The following SGCZ variants were observed in gnomAD, a reference collection of about 807,000 sequenced individuals.
The protein encoded by SGCZ is sarcoglycan zeta.
SGCZ carries 40 observed loss-of-function variants against 41.3 expected under a neutral mutation model. That is an observed-to-expected ratio of 0.97 (90% CI 0.75 to 1.26). SGCZ has a LOEUF of 1.26. SGCZ is among the 50% of genes most tolerant of loss of function. The probability of loss-of-function intolerance (pLI) is 0.00; values close to 1 mark genes in which losing one functional copy is unlikely to be tolerated. For synonymous variants in SGCZ, 206 were observed against 137.5 expected, an observed-to-expected ratio of 1.50 and a Z score of -3.49; for missense variants, 552 against 369.8, an observed-to-expected ratio of 1.49 and a Z score of -4.04.
chr8:14,800,188 C>T (rs1004508297), intron 1 of SGCZ, among the ~76,000 whole-genome samples: 1 of 151,968 alleles, frequency 6.6e-6, no homozygotes, highest in Non-Finnish European at 1.5e-5. Context: ...TAAATGTTAC[C>T]TGGTCATTTG....
chr8:14,149,755 T>TA (rs1803641365), intron 5 of SGCZ, among the ~76,000 whole-genome samples: 1 of 151,270 alleles, frequency 6.6e-6, no homozygotes, highest in Non-Finnish European at 1.5e-5. Flanking sequence ...ACTGGAGTAA[T>TA]ACATCACCTG....
chr8:14,383,571 T>G (rs368291236), intron 2 of SGCZ, among the ~76,000 whole-genome samples: 1 of 152,186 alleles, frequency 6.6e-6, no homozygotes, highest in African/African-American at 2.4e-5. Flanking sequence ...AAAAAGAACA[T>G]GTGAATTAAA....
At chr8:14,200,710 T>C (rs58074155) in intron 4 of SGCZ, among the ~76,000 whole-genome samples, 2,443 of 152,242 alleles carry the variant, frequency 0.016, 70 homozygotes, top group African/African-American at 0.054. Context: ...GAGTAGAGCA[T>C]AGAATAAAGT....
At chr8:15,095,055 T>G (rs1585556597) in intron 1 of SGCZ, among the ~76,000 whole-genome samples, 1 of 152,184 alleles carries the variant, frequency 6.6e-6, no homozygotes, top group Non-Finnish European at 1.5e-5. Context: ...CAGGAAAAAT[T>G]TTAATGCTTC....
chr8:14,285,749 T>C (rs1178917293), intron 3 of SGCZ, among the ~76,000 whole-genome samples: 1 of 152,070 alleles, frequency 6.6e-6, no homozygotes, highest in Non-Finnish European at 1.5e-5. Context: ...TACTTTGAGA[T>C]ATGGGATTTG....
intron 1 of SGCZ, among the ~76,000 whole-genome samples, chr8:15,103,917 T>C (rs189646440): frequency 1.1e-3 from 175 of 152,292 alleles, no homozygotes; most frequent in Non-Finnish European, 2.0e-3. Context: ...TAATGAAGTG[T>C]TGATTAGTGG....
intron 1 of SGCZ, among the ~76,000 whole-genome samples, chr8:15,137,630 A>T (rs1396819912): frequency 6.6e-6 from 1 of 150,898 alleles, no homozygotes; most frequent in Non-Finnish European, 1.5e-5. Context: ...TCAGTCCATG[A>T]CTTCAGAGGG....
At chr8:15,191,343 C>T (rs138994932) in intron 1 of SGCZ, among the ~76,000 whole-genome samples, 1 of 151,964 alleles carries the variant, frequency 6.6e-6, no homozygotes, top group Non-Finnish European at 1.5e-5. Flanking sequence ...ACAAGCATAC[C>T]TAGACCAGGC....
intron 1 of SGCZ, among the ~76,000 whole-genome samples, chr8:14,740,162 TAG>T (rs1799157504): frequency 6.6e-6 from 1 of 152,062 alleles, no homozygotes; most frequent in African/African-American, 2.4e-5. Flanking sequence ...TCTTAGATTC[TAG>T]AGTCATTGAC....
At chr8:14,366,561 C>G (rs1803714734) in intron 2 of SGCZ, among the ~76,000 whole-genome samples, 1 of 152,044 alleles carries the variant, frequency 6.6e-6, no homozygotes, top group Admixed American at 6.6e-5. Flanking sequence ...ATCTTATATC[C>G]TCACATTTCA....
intron 1 of SGCZ, among the ~76,000 whole-genome samples, chr8:14,926,590 G>C (rs1461909130): frequency 6.6e-6 from 1 of 151,026 alleles, no homozygotes; most frequent in Non-Finnish European, 1.5e-5. Flanking sequence ...ATATTTCTTG[G>C]GCAAACTCAG....
chr8:15,130,291 G>C (rs1239711924), intron 1 of SGCZ, among the ~76,000 whole-genome samples: 1 of 152,146 alleles, frequency 6.6e-6, no homozygotes, highest in East Asian at 1.9e-4. Context: ...TGCCAATATA[G>C]GGGGAAGCCA....
intron 4 of SGCZ, among the ~76,000 whole-genome samples, chr8:14,168,765 A>G (rs747839538): frequency 1.1e-4 from 17 of 152,172 alleles, no homozygotes; most frequent in Non-Finnish European, 1.9e-4. Flanking sequence ...CTCATTGTGC[A>G]ACATTTGCAG....
At chr8:15,116,202 C>G (rs112469276) in intron 1 of SGCZ, among the ~76,000 whole-genome samples, 2 of 152,098 alleles carry the variant, frequency 1.3e-5, no homozygotes, top group African/African-American at 2.4e-5. Context: ...TAAATGTAAG[C>G]TCTGTATTTA....
intron 1 of SGCZ, among the ~76,000 whole-genome samples, chr8:15,155,960 A>G (rs1380697331): frequency 6.6e-6 from 1 of 151,142 alleles, no homozygotes. Flanking sequence ...CGAGAGGCCG[A>G]AGCAGGAGAA....
intron 1 of SGCZ, among the ~76,000 whole-genome samples, chr8:15,157,319 C>T (rs949346980): frequency 6.6e-6 from 1 of 151,952 alleles, no homozygotes; most frequent in Non-Finnish European, 1.5e-5. Flanking sequence ...GAACACTTGA[C>T]CCCAGGAGCC....
intron 2 of SGCZ, among the ~76,000 whole-genome samples, chr8:14,388,566 A>C (rs1460602598): frequency 1.3e-5 from 2 of 152,134 alleles, no homozygotes; most frequent in African/African-American, 2.4e-5. Flanking sequence ...AAAATATCAG[A>C]ATTTTTATGG....
intron 2 of SGCZ, among the ~76,000 whole-genome samples, chr8:14,478,409 C>T (rs1355017798): frequency 1.3e-5 from 2 of 152,182 alleles, no homozygotes; most frequent in African/African-American, 4.8e-5. Flanking sequence ...ATACGTGTTT[C>T]TAACAGTATG....
At chr8:14,544,553 G>C (rs750776594) in intron 2 of SGCZ, among the ~76,000 whole-genome samples, 2 of 152,010 alleles carry the variant, frequency 1.3e-5, no homozygotes, top group Non-Finnish European at 2.9e-5. Context: ...CCTGGGAAAG[G>C]AATGCGTTCC....
Sources: allele counts gnomAD v4.1 joint callset (sites outside exome capture counted in the v4.1 genomes callset), GRCh38; gene constraint gnomAD v4.1.1; transcripts MANE v1.5; gene names NCBI Gene and HGNC (gene_info 2026-07-23, HGNC 2026-07-21).